The following PBRM1 variants were observed in gnomAD, a reference collection of about 807,000 sequenced individuals.
The protein encoded by PBRM1 is polybromo 1, also known as protein polybromo-1.
A neutral mutation model predicts 194.5 loss-of-function variants in PBRM1; 27 were observed. The ratio of observed to expected loss-of-function variants is 0.14; its 90% CI spans 0.10 to 0.19. PBRM1 has a LOEUF of 0.19. PBRM1 is among the 10% of genes least tolerant of loss of function. PBRM1 has a pLI of 1.00. For synonymous variants in PBRM1, 655 were observed against 693.2 expected, an observed-to-expected ratio of 0.94 and a Z score of 0.87; for missense variants, 1,466 against 2,077.2, an observed-to-expected ratio of 0.71 and a Z score of 5.72.
At chr3:52,554,619 G>A in intron 27 of PBRM1, 105 bp downstream of exon 29, 4 of 925,454 alleles carry the variant, frequency 4.3e-6, no homozygotes, top group Non-Finnish European at 6.3e-6. Flanking sequence ...GGGAGGGAAG[G>A]CCTGGCCACA....
At chr3:52,672,593 C>T (rs1245224092) in intron 2 of PBRM1, among the ~76,000 whole-genome samples, 1 of 145,914 alleles carries the variant, frequency 6.9e-6, no homozygotes, top group Non-Finnish European at 1.5e-5. Context: ...CTCCTGGGTT[C>T]AAGTGATTCT....
exon 13 of PBRM1, chr3:52,627,340 C>T (rs964967913): frequency 8.7e-6 from 14 of 1,613,548 alleles, no homozygotes; most frequent in African/African-American, 1.3e-5. Context: ...TCCTCGATAT[C>T]GTCTCTCCTG....
rs906012574 is a variant in PBRM1 at position 52,603,507 on chromosome 3, G to T, written c.2779+14C>A. On this transcript the variant is annotated intron_variant, in intron 17 of 29. Coordinates refer to ENST00000296302, the Ensembl canonical transcript of PBRM1. ...TGCATTTTTTCATATTCAATAAAAT[G>T]AAAAGAAACCAACCTCTTTTTTCTT... is the stretch of plus-strand genomic sequence containing the variant. 2.5e-6 allele frequency: 4 copies of T among 1,588,022 alleles called. No individual in the cohort carries two copies. The East Asian group carries it at 8.9e-5, about 36-fold the overall frequency.
At chr3:52,623,586 T>C (rs145393928) in intron 13 of PBRM1, among the ~76,000 whole-genome samples, 179 of 152,342 alleles carry the variant, frequency 1.2e-3, no homozygotes, top group African/African-American at 4.1e-3. Flanking sequence ...AATAGGTCAA[T>C]AGGTCAATAA....
At chr3:52,579,134 G>C (rs147858047) in exon 21 of PBRM1, 2 of 1,613,774 alleles carry the variant, frequency 1.2e-6, no homozygotes, top group African/African-American at 1.3e-5. Flanking sequence ...CATTGTAATG[G>C]AGCTGCTCAA....
chr3:52,581,796 C>A (rs2091284716), intron 20 of PBRM1, among the ~76,000 whole-genome samples: 1 of 151,966 alleles, frequency 6.6e-6, no homozygotes, highest in Admixed American at 6.5e-5. Flanking sequence ...TGCCACCACG[C>A]CTGGCTAATT....
In PBRM1 at chr3:52,554,833, TG is replaced by T; in HGVS notation, c.4499del (p.Pro1500GlnfsTer39). The T allele has an allele frequency of 6.2e-7, 1 of 1,600,810 alleles. No homozygotes were observed. The highest frequency in any genetic ancestry group is 8.5e-7 in the Non-Finnish European group (1 of 1,175,104). ...TGCCCATGCTAACAAGGCCATCAAC[TG>T]GGCCCTGCAAAGGTGGAAGGCCTGG... On this transcript the variant is annotated frameshift_variant, in exon 27 of 30. Transcript: ENST00000296302. LOFTEE classifies it high-confidence loss of function.
rs1475966821 is a variant in PBRM1, at chr3:52,617,247, G to A, written c.1818+15C>T. The A allele has an allele frequency of 4.4e-6, 7 of 1,608,258 alleles. No individual in the cohort carries two copies. The highest frequency in any genetic ancestry group is 2.2e-5 in the South Asian group (2 of 90,588). On this transcript the variant is annotated intron_variant, in intron 14 of 29. Transcript: ENST00000296302. ...CGCAAAATGTGCCTACTTCAGGACC[G>A]CTGGCCCTCCTTACCTGGGAGCCCT...
intron 11 of PBRM1, 74 bp downstream of exon 12, chr3:52,634,528 G>A: frequency 2.0e-6 from 2 of 984,172 alleles, no homozygotes; most frequent in South Asian, 1.5e-5. Context: ...ATCCATTTTA[G>A]GAAGAAATAC....
At chr3:52,671,732 A>C (rs978275934) in intron 2 of PBRM1, among the ~76,000 whole-genome samples, 1 of 152,158 alleles carries the variant, frequency 6.6e-6, no homozygotes, top group African/African-American at 2.4e-5. Context: ...TGATAAACCA[A>C]CTCAAATATG....
chr3:52,612,972 G>A (rs1225846434), intron 15 of PBRM1, among the ~76,000 whole-genome samples: 2 of 151,190 alleles, frequency 1.3e-5, no homozygotes, highest in Non-Finnish European at 2.9e-5. Flanking sequence ...AGTCTGATTT[G>A]AGGAAATCAA....
chr3:52,577,621 T>C (rs2090020494), intron 21 of PBRM1, among the ~76,000 whole-genome samples: 1 of 152,104 alleles, frequency 6.6e-6, no homozygotes, highest in Non-Finnish European at 1.5e-5. Context: ...TCCTCAGGCT[T>C]ACACACAGGA....
chr3:52,589,030 A>T (rs921176473), intron 18 of PBRM1, 40 bp downstream of exon 20: 8 of 1,454,646 alleles, frequency 5.5e-6, no homozygotes, highest in Non-Finnish European at 7.7e-6. Flanking sequence ...TCAAACAGTC[A>T]TATCTCACTA....
chr3:52,668,246 A>G (rs2096878499), intron 3 of PBRM1, among the ~76,000 whole-genome samples: 1 of 152,206 alleles, frequency 6.6e-6, no homozygotes, highest in Non-Finnish European at 1.5e-5. Flanking sequence ...GCCATGAGCC[A>G]AGATCTCACC....
rs139436116 is a variant in PBRM1, at chr3:52,596,935, C to T, written c.2779+6586G>A. 3.0e-3 allele frequency among the ~76,000 whole-genome samples: 452 copies of T among 152,214 alleles called. 2 individuals carry two copies. The highest frequency in any genetic ancestry group is 4.1e-3 in the Non-Finnish European group (282 of 68,004). On this transcript the variant is annotated intron_variant, in intron 17 of 29. Transcript: ENST00000296302. ...TTGTAGTCCTTGTGGCCTACACTTCCCTTCAAGTTTATTTAGGACCCCAGA... is the reference window on the plus strand; with the variant it reads ...TTGTAGTCCTTGTGGCCTACACTTCTCTTCAAGTTTATTTAGGACCCCAGA...
Position 52,644,700 on chromosome 3 carries a change from C to A in PBRM1, c.899+4G>T, listed in dbSNP as rs746172295. ...GCCCAGCCTAGACATTTTCTTAAAC[C>A]TACCTCATTCGAAGACTTGACTTAG... On this transcript the variant is annotated splice_donor_region_variant and intron_variant, in intron 8 of 29. Coordinates refer to ENST00000296302, the Ensembl canonical transcript of PBRM1. 3 of 1,476,328 alleles carry A rather than the reference C, an allele frequency of 2.0e-6. No homozygotes were observed. Among genetic ancestry groups the A allele is most frequent in the Non-Finnish European group, 1.9e-6 (2 of 1,060,318 alleles). 91.5% of individuals were successfully genotyped at this position (1,476,328 alleles called of 1,614,324 possible). A position where few individuals can be genotyped will look rare whatever the true frequency, so the allele number is the denominator to read the frequency against.
chr3:52,644,937 A>G, intron 7 of PBRM1, 148 bp from the exon 9 acceptor site: 1 of 481,198 alleles, frequency 2.1e-6, no homozygotes, highest in South Asian at 2.7e-5. Flanking sequence ...ATCCTCCAAC[A>G]TTTCTACAAG....
rs1198551355 is a variant in PBRM1 at position 52,631,236 on chromosome 3, C to T, written c.1302-2201G>A. ...CTGTAATCCCAGCACTTTGGGAGGT[C>T]AAGGCGGGCAGATTGCTTGAGCTCA... On this transcript the variant is annotated intron_variant, in intron 11 of 29. Transcript: ENST00000296302. 7.9e-5 allele frequency among the ~76,000 whole-genome samples: 12 copies of T among 151,700 alleles called. No individual in the cohort carries two copies. The East Asian group carries it at 2.1e-3, about 27-fold the overall frequency.
At chr3:52,673,671 CAAA>C (rs1324914906) in intron 2 of PBRM1, among the ~76,000 whole-genome samples, 15 of 39,238 alleles carry the variant, frequency 3.8e-4, no homozygotes, top group African/African-American at 8.7e-4. Flanking sequence ...GACTCCATCT[CAAA>C]AAAAAAAAAA....
Sources: gnomAD v4.1 joint callset for allele counts (sites outside exome capture counted in the v4.1 genomes callset) on GRCh38, gnomAD v4.1.1 for gene constraint, MANE v1.5 for transcripts, NCBI Gene and HGNC (gene_info 2026-07-23, HGNC 2026-07-21) for gene names.